The following LAMA1 variants were observed in gnomAD, a reference collection of about 807,000 sequenced individuals.
The protein encoded by LAMA1 is laminin subunit alpha-1.
In LAMA1, 219 loss-of-function variants were observed where a neutral mutation model predicts 348.7. The ratio of observed to expected loss-of-function variants is 0.63; its 90% CI spans 0.56 to 0.70. LAMA1 has a LOEUF of 0.70. LAMA1 is among the 30% of genes least tolerant of loss of function. The pLI is 0.00. For missense variants in LAMA1, 3,744 were observed against 3,888.0 expected, an observed-to-expected ratio of 0.96 and a Z score of 0.99; for synonymous variants, 1,487 against 1,491.0, an observed-to-expected ratio of 1.00 and a Z score of 0.06.
chr18:7,042,518 T>C (rs908240762), intron 8 of LAMA1: 16 of 396,880 alleles, frequency 4.0e-5, no homozygotes, highest in African/African-American at 3.1e-4. Flanking sequence ...CGCGCTGCTG[T>C]CTCTCAGAGC....
rs1177543873 is a variant in LAMA1 at position 6,982,644 on chromosome 18, C to T, written c.5797-54G>A. The T allele has an allele frequency of 2.1e-6, 3 of 1,441,988 alleles. No homozygotes were observed. The South Asian group carries it at 3.4e-5, about 16-fold the overall frequency. 89.3% of individuals were successfully genotyped at this position (1,441,988 alleles called of 1,614,324 possible). On this transcript the variant is annotated intron_variant, in intron 40 of 62. Transcript: ENST00000389658. ...GAGAGCAGGGCAGGGTGGAGTCCTG[C>T]TGGGGACAGAGGAAGTGACTCCATC...
intron 19 of LAMA1, 69 bp from the exon 20 acceptor site, chr18:7,017,453 C>T (rs2144128470): frequency 9.3e-7 from 1 of 1,078,744 alleles, no homozygotes; most frequent in Non-Finnish European, 1.4e-6. Flanking sequence ...ATCCGTCATC[C>T]CCAAAGGAAA....
chr18:6,953,598 G>C (rs552412795), intron 57 of LAMA1: 1 of 152,238 alleles, frequency 6.6e-6, no homozygotes, highest in South Asian at 2.1e-4. Flanking sequence ...TTCGAATCCC[G>C]GCTCTACCAT....
At chr18:7,108,723 A>T (rs1461006395) in intron 1 of LAMA1, among the ~76,000 whole-genome samples, 1 of 149,224 alleles carries the variant, frequency 6.7e-6, no homozygotes, top group Non-Finnish European at 1.5e-5. Context: ...TCATATGTGG[A>T]TGCATTATCT....
At chr18:7,079,679 C>T in intron 3 of LAMA1, 1 of 438,150 alleles carries the variant, frequency 2.3e-6, no homozygotes, top group African/African-American at 2.0e-5. Flanking sequence ...TGGCAGCCAG[C>T]AAACAGCCTG....
At chr18:6,962,283 T>C (rs889416813) in intron 51 of LAMA1, among the ~76,000 whole-genome samples, 13 of 151,740 alleles carry the variant, frequency 8.6e-5, no homozygotes, top group African/African-American at 3.1e-4. Context: ...TAGCCAGGCA[T>C]GGTAGCATGC....
chr18:7,082,477 T>C (rs1001922939), intron 1 of LAMA1, among the ~76,000 whole-genome samples: 1 of 152,190 alleles, frequency 6.6e-6, no homozygotes, highest in African/African-American at 2.4e-5. Flanking sequence ...AGTTAGACAG[T>C]TATATTTTAT....
Position 6,980,403 on chromosome 18 carries a change from T to C in LAMA1, c.6007+118A>G, listed in dbSNP as rs943477143. 15 of 747,332 alleles carry C rather than the reference T, an allele frequency of 2.0e-5. No individual in the cohort carries two copies. The African/African-American group carries it at 2.4e-4, about 12-fold the overall frequency. 46.3% of individuals were successfully genotyped at this position (747,332 alleles called of 1,614,324 possible). A position where few individuals can be genotyped will look rare whatever the true frequency, so the allele number is the denominator to read the frequency against. On this transcript the variant is annotated intron_variant, in intron 42 of 62. Coordinates refer to ENST00000389658, the MANE Select transcript of LAMA1 (RefSeq NM_005559.4). ...TTGCAAGTAAAAATTTTGCCAATCT[T>C]AGTCTCATTTTTGAGCTAAAGCCTT...
In LAMA1 at chr18:7,080,085, G is replaced by C; in HGVS notation, c.235C>G (p.Arg79Gly). The C allele has an allele frequency of 6.2e-7, 1 of 1,609,858 alleles. No individual in the cohort carries two copies. The highest frequency in any genetic ancestry group is 8.5e-7 in the Non-Finnish European group (1 of 1,176,182). The change falls in exon 3 of 63, where the codon CGC becomes GGC. Residue 79 changes from arginine to glycine, a missense_variant and splice_region_variant. Physicochemically the swap from Arg to Gly is moderately radical, Grantham distance 125. Transcript: ENST00000389658. ...TCTATGGCATGTGATATTGGATGGC[G>C]TTCTGTTGAAAGAAAATAAAAAACA... ...CDGNSANPRERHPISHAIDGT... is the reference protein window; with the variant it reads ...CDGNSANPREGHPISHAIDGT...
chr18:7,027,978 A>C (rs1831779), intron 16 of LAMA1, among the ~76,000 whole-genome samples: 35,917 of 152,020 alleles, frequency 0.24, 4,706 homozygotes, highest in African/African-American at 0.33. Context: ...AAGCATGCTC[A>C]AAGACTTGAA....
intron 42 of LAMA1, 26 bp from the exon 43 acceptor site, chr18:6,978,404 G>A (rs1245933806): frequency 6.3e-7 from 1 of 1,593,078 alleles, no homozygotes; most frequent in Admixed American, 1.7e-5. Flanking sequence ...ATAAAAGCAT[G>A]CACTTCTGGT....
At chr18:7,095,940 C>A (rs1166024899) in intron 1 of LAMA1, among the ~76,000 whole-genome samples, 1 of 152,164 alleles carries the variant, frequency 6.6e-6, no homozygotes, top group African/African-American at 2.4e-5. Flanking sequence ...TGGTGGCAGG[C>A]GCCTGTAATT....
intron 1 of LAMA1, among the ~76,000 whole-genome samples, chr18:7,093,536 A>G (rs1336906228): frequency 6.6e-6 from 1 of 152,150 alleles, no homozygotes; most frequent in East Asian, 1.9e-4. Flanking sequence ...TTCCCCCAAA[A>G]TCCACCTGCA....
At chr18:6,943,513 T>C (rs2057509154) in intron 61 of LAMA1, 111 bp from the exon 62 acceptor site, 1 of 879,786 alleles carries the variant, frequency 1.1e-6, no homozygotes, top group East Asian at 2.4e-5. Context: ...GAGAGCTAAC[T>C]AGGAGAAACA....
chr18:7,001,239 C>G (rs1360922119), intron 30 of LAMA1, among the ~76,000 whole-genome samples: 1 of 152,064 alleles, frequency 6.6e-6, no homozygotes, highest in Non-Finnish European at 1.5e-5. Flanking sequence ...TTCTTTTCTC[C>G]GTGTTTGTAA....
rs530751685 is a variant in LAMA1, at chr18:6,956,019, G to A, written c.8095-554C>T. 318 of 297,000 alleles carry A rather than the reference G, an allele frequency of 1.1e-3. 2 individuals are homozygous for A. Among genetic ancestry groups the A allele is most frequent in the African/African-American group, 6.7e-3 (307 of 45,640 alleles). 18.4% of individuals were successfully genotyped at this position (297,000 alleles called of 1,614,324 possible). On this transcript the variant is annotated intron_variant, in intron 56 of 62. Coordinates refer to ENST00000389658, the MANE Select transcript of LAMA1 (RefSeq NM_005559.4). The stretch of plus-strand genomic sequence containing the variant: ...GCTGTCCTAAGAGTGCCCAAGTCAT[G>A]GGGGTCCCAGATGCTGTTTTCTGCT...
chr18:6,950,681 G>C, intron 58 of LAMA1, 101 bp downstream of exon 58: 1 of 1,321,502 alleles, frequency 7.6e-7, no homozygotes, highest in Non-Finnish European at 1.1e-6. Flanking sequence ...CGGCGAGATA[G>C]AGATTAATGG....
chr18:7,018,399 CTTTTT>C (rs901034443), intron 19 of LAMA1, among the ~76,000 whole-genome samples: 1 of 128,366 alleles, frequency 7.8e-6, no homozygotes, highest in Non-Finnish European at 1.7e-5. Flanking sequence ...TCCAGGTACT[CTTTTT>C]TTTTTTTTTG....
In LAMA1 at chr18:7,053,169, A is replaced by G. The variant is rs181600826; in HGVS notation, c.346-2233T>C. 2.3e-3 allele frequency among the ~76,000 whole-genome samples: 351 copies of G among 152,356 alleles called. 1 individual carries two copies. Among genetic ancestry groups the G allele is most frequent in the Non-Finnish European group, 3.4e-3 (233 of 68,038 alleles). The stretch of plus-strand genomic sequence containing the variant: ...GACAGCAAAAAGATCAGTGGCTGCC[A>G]GCGTCTCAGGGTGAGGGAAGGAGGG... On this transcript the variant is annotated intron_variant, in intron 3 of 62. Coordinates refer to ENST00000389658, the MANE Select transcript of LAMA1 (RefSeq NM_005559.4).
Sources: allele counts gnomAD v4.1 joint callset (sites outside exome capture counted in the v4.1 genomes callset), GRCh38; gene constraint gnomAD v4.1.1; transcripts MANE v1.5; gene names NCBI Gene and HGNC (gene_info 2026-07-23, HGNC 2026-07-21).